Variants in CCDC80 observed in about 807,000 individuals in gnomAD.
CCDC80 encodes coiled-coil domain containing 80, also known as coiled-coil domain-containing protein 80.
A neutral mutation model predicts 78.7 loss-of-function variants in CCDC80; 49 were observed. The observed-to-expected ratio is 0.62, with a 90% CI of 0.50 to 0.79. The LOEUF (loss-of-function observed/expected upper bound fraction) is 0.79. CCDC80 is among the 30% of genes least tolerant of loss of function. CCDC80 has a pLI of 0.00. For synonymous variants in CCDC80, 488 were observed against 447.0 expected, an observed-to-expected ratio of 1.09 and a Z score of -1.16; for missense variants, 1,205 against 1,198.6, an observed-to-expected ratio of 1.01 and a Z score of -0.08.
At chr3:112,634,352 G>T (rs947480929) in intron 2 of CCDC80, among the ~76,000 whole-genome samples, 2 of 152,120 alleles carry the variant, frequency 1.3e-5, no homozygotes, top group Non-Finnish European at 2.9e-5. Context: ...TGAATTCATT[G>T]AATTCAGCAT....
chr3:112,619,048 T>C lies in CCDC80; in HGVS notation c.2092A>G (p.Ile698Val). 6.2e-7 allele frequency: 1 copy of C among 1,610,896 alleles called. No individual in the cohort carries two copies. The highest frequency in any genetic ancestry group is 8.5e-7 in the Non-Finnish European group (1 of 1,178,946). Residue 698 changes from isoleucine to valine, a missense_variant, in exon 4 of 8, where the codon ATC becomes GTC. By Grantham distance (29) the Ile-to-Val change is conservative. Coordinates refer to ENST00000206423, the MANE Select transcript of CCDC80 (RefSeq NM_199511.3). ...DDEDLVDQRLISELRKEYGMT... is the reference protein window; with the variant it reads ...DDEDLVDQRLVSELRKEYGMT... ...CCGTACTCTTTCCTCAGCTCGCTGA[T>C]GAGACGCTGGTCTACCAAGTCTTCA...
At position 112,597,412 on chromosome 3, in the gene CCDC80, G is replaced by A. The variant is rs907576209; in HGVS notation, c.*8005C>T. 3 of 152,154 alleles carry A rather than the reference G, an allele frequency of 2.0e-5. No homozygotes were observed. The highest frequency in any genetic ancestry group is 2.4e-5 in the African/African-American group (1 of 41,424). The allele number at this position is 152,154 out of a possible 1,614,324, so 9.4% of individuals were successfully genotyped here. ...TTTTCCTACTGCAGAGCTTCTTCAC[G>A]TTGGAATGGTGAATAGGTACACATT... On this transcript the variant is annotated 3_prime_UTR_variant, in exon 8 of 8. Coordinates refer to ENST00000206423, the MANE Select transcript of CCDC80 (RefSeq NM_199511.3).
At chr3:112,619,236 T>A in intron 3 of CCDC80, 132 bp from the exon 4 acceptor site, 1 of 756,538 alleles carries the variant, frequency 1.3e-6, no homozygotes, top group Non-Finnish European at 1.9e-6. Flanking sequence ...ACGTTGTGTT[T>A]GAACAAAAGT....
At position 112,639,136 on chromosome 3, in the gene CCDC80, A is replaced by T; in HGVS notation, c.770T>A (p.Met257Lys). The change falls in exon 2 of 8, where the codon ATG becomes AAG. Residue 257 changes from methionine (M) to lysine (K), a missense_variant. Transcript: ENST00000206423. ...RYPYPVRLEAMYEVIDQGPIR... is the reference protein window; with the variant it reads ...RYPYPVRLEAKYEVIDQGPIR... ...GGGGCCTTGGTCGATGACCTCGTAC[A>T]TGGCTTCCAGCCTAACGGGATATGG... 6.2e-7 allele frequency: 1 copy of T among 1,614,110 alleles called. No homozygotes were observed. The highest frequency in any genetic ancestry group is 1.1e-5 in the South Asian group (1 of 91,076).
chr3:112,609,635 C>T (rs932657714), intron 6 of CCDC80, among the ~76,000 whole-genome samples: 4 of 151,392 alleles, frequency 2.6e-5, no homozygotes, highest in Admixed American at 1.3e-4. Context: ...AGTAGATATT[C>T]GAGTATTACC....
intron 7 of CCDC80, 146 bp downstream of exon 7, chr3:112,607,030 G>T (rs1935527463): frequency 3.5e-6 from 2 of 578,986 alleles, no homozygotes; most frequent in Non-Finnish European, 6.1e-6. Flanking sequence ...GCACACACAG[G>T]CACACATGCA....
In CCDC80 at chr3:112,599,880, A is replaced by G. The variant is rs936334833; in HGVS notation, c.*5537T>C. 7.9e-5 allele frequency: 12 copies of G among 152,236 alleles called. No individual in the cohort carries two copies. The highest frequency in any genetic ancestry group is 2.7e-4 in the African/African-American group (11 of 41,458). 9.4% of individuals were successfully genotyped at this position (152,236 alleles called of 1,614,324 possible). ...GTAGTTTTTGAAGAGTCTTGTGACA[A>G]CCAGCAATTTCGGCAAAGCTATGTC... is the stretch of plus-strand genomic sequence containing the variant. On this transcript the variant is annotated 3_prime_UTR_variant, in exon 8 of 8. Transcript: ENST00000206423.
chr3:112,618,741 G>A (rs1471150632), intron 4 of CCDC80, among the ~76,000 whole-genome samples: 1 of 152,182 alleles, frequency 6.6e-6, no homozygotes, highest in East Asian at 1.9e-4. Context: ...TTTAGTCTGA[G>A]TCAAGTAGCT....
chr3:112,637,251 T>C (rs1486918944), intron 2 of CCDC80, among the ~76,000 whole-genome samples: 1 of 152,184 alleles, frequency 6.6e-6, no homozygotes, highest in Non-Finnish European at 1.5e-5. Context: ...AACTGACATC[T>C]AGATTTTAAA....
chr3:112,615,080 A>G (rs929688596), intron 5 of CCDC80, among the ~76,000 whole-genome samples: 1 of 152,176 alleles, frequency 6.6e-6, no homozygotes, highest in African/African-American at 2.4e-5. Flanking sequence ...TTTTAATTTT[A>G]TGGGTGAGAG....
In CCDC80 at chr3:112,605,598, T is replaced by G; in HGVS notation, c.2672A>C (p.Asp891Ala). ...CCGAAGTTGCATCGAATCAATTAAATCGTACACAATCACCATGGACCACAT... is the reference window on the plus strand; with the variant it reads ...CCGAAGTTGCATCGAATCAATTAAAGCGTACACAATCACCATGGACCACAT... ...SPMWSMVIVY[D>A]LIDSMQLRRQ... is the part of the protein sequence containing the mutation. The change falls in exon 8 of 8, where the codon GAT (aspartate) becomes GCT (alanine). Residue 891 changes from aspartate to alanine, a missense_variant. Asp to Ala is a moderately radical substitution (Grantham distance 126). Coordinates refer to ENST00000206423, the MANE Select transcript of CCDC80 (RefSeq NM_199511.3). 6.2e-7 allele frequency: 1 copy of G among 1,614,206 alleles called. No individual in the cohort carries two copies. Among genetic ancestry groups the G allele is most frequent in the Non-Finnish European group, 8.5e-7 (1 of 1,180,028 alleles).
chr3:112,636,971 G>C (rs1042514223), intron 2 of CCDC80, among the ~76,000 whole-genome samples: 1 of 152,318 alleles, frequency 6.6e-6, no homozygotes, highest in Non-Finnish European at 1.5e-5. Context: ...CAGTAAAAGA[G>C]GGAAAGAGAA....
intron 7 of CCDC80, among the ~76,000 whole-genome samples, chr3:112,606,115 C>T (rs994028068): frequency 3.3e-5 from 5 of 152,208 alleles, no homozygotes; most frequent in Non-Finnish European, 5.9e-5. Context: ...TTCCAATTAG[C>T]TTAGTTACTT....
Position 112,605,110 on chromosome 3 carries a change from T to G in CCDC80, c.*307A>C, listed in dbSNP as rs559182419. ...AAGAAAAAGCTTTAAATACATATTT[T>G]ATAAAATTTTATATGCCAAATAAGG... On this transcript the variant is annotated 3_prime_UTR_variant, in exon 8 of 8. Coordinates refer to ENST00000206423, the MANE Select transcript of CCDC80 (RefSeq NM_199511.3). The G allele has an allele frequency of 3.2e-5, 7 of 220,770 alleles. No homozygotes were observed. In the East Asian group the frequency reaches 6.0e-4, roughly 19 times the overall value. 13.7% of individuals were successfully genotyped at this position (220,770 alleles called of 1,614,324 possible).
Position 112,605,730 on chromosome 3 carries a change from G to T in CCDC80, c.2540C>A (p.Ala847Asp), listed in dbSNP as rs539390198. Reference protein sequence around the residue: ...SSVVEREDVPAHLVKDIRNYF... With the variant: ...SSVVEREDVPDHLVKDIRNYF... ...GTTACGAATGTCTTTCACCAAATGG[G>T]CTGGTACGTCTTCTCGCTCAACAAC... Residue 847 changes from alanine (A) to aspartate (D), a missense_variant, in exon 8 of 8, where the codon GCC (alanine) becomes GAC (aspartate). Ala to Asp is a moderately radical substitution (Grantham distance 126). Coordinates refer to ENST00000206423, the MANE Select transcript of CCDC80 (RefSeq NM_199511.3). 2 of 1,614,114 alleles carry T rather than the reference G, an allele frequency of 1.2e-6. No homozygotes were observed. Among genetic ancestry groups the T allele is most frequent in the African/African-American group, 2.7e-5 (2 of 75,042 alleles).
chr3:112,636,655 A>T (rs1936213395), intron 2 of CCDC80, among the ~76,000 whole-genome samples: 1 of 152,246 alleles, frequency 6.6e-6, no homozygotes, highest in African/African-American at 2.4e-5. Flanking sequence ...ACCGAAATTT[A>T]GGCTAGCTTG....
At chr3:112,636,925 T>C (rs1936219272) in intron 2 of CCDC80, among the ~76,000 whole-genome samples, 1 of 152,176 alleles carries the variant, frequency 6.6e-6, no homozygotes, top group African/African-American at 2.4e-5. Context: ...AGTAAAAAGC[T>C]AGTCTTAAGA....
In CCDC80 at chr3:112,639,188, T is replaced by C; in HGVS notation, c.718A>G (p.Lys240Glu). ...TAGCGCTCCTCCACCTGCAGCGTCT[T>C]CTTCAGCAGCACCATGCCAAACTTG... ...KGKFGMVLLKKTLQVEERYPY... is the reference protein window; with the variant it reads ...KGKFGMVLLKETLQVEERYPY... The change falls in exon 2 of 8, where the codon AAG (lysine) becomes GAG (glutamate). Residue 240 changes from lysine (K) to glutamate (E), a missense_variant. Physicochemically the swap from Lys to Glu is moderately conservative, Grantham distance 56. Coordinates refer to ENST00000206423, the MANE Select transcript of CCDC80 (RefSeq NM_199511.3). 6.2e-7 allele frequency: 1 copy of C among 1,614,152 alleles called. No individual in the cohort carries two copies.
chr3:112,602,072 T>G lies in CCDC80; in HGVS notation c.*3345A>C, dbSNP rs1299012824. The G allele has an allele frequency of 6.6e-6, 1 of 152,202 alleles. No individual in the cohort carries two copies. Among genetic ancestry groups the G allele is most frequent in the Non-Finnish European group, 1.5e-5 (1 of 68,034 alleles). 9.4% of individuals were successfully genotyped at this position (152,202 alleles called of 1,614,324 possible). A position where few individuals can be genotyped will look rare whatever the true frequency, so the allele number is the denominator to read the frequency against. ...TTTTTGCAATAGTATGTACTCACTT[T>G]ATGTCTCTGTGTCACATTTTGGTAA... On this transcript the variant is annotated 3_prime_UTR_variant, in exon 8 of 8. Coordinates refer to ENST00000206423, the MANE Select transcript of CCDC80 (RefSeq NM_199511.3).
Sources: allele counts gnomAD v4.1 joint callset (sites outside exome capture counted in the v4.1 genomes callset), GRCh38; gene constraint gnomAD v4.1.1; transcripts MANE v1.5; gene names NCBI Gene and HGNC (gene_info 2026-07-23, HGNC 2026-07-21).